Variants in LRIG1 observed in about 807,000 individuals in gnomAD.
The protein encoded by LRIG1 is leucine rich repeats and immunoglobulin like domains 1, also known as leucine-rich repeats and immunoglobulin-like domains protein 1.
In LRIG1, 48 loss-of-function variants were observed where a neutral mutation model predicts 99.2. The observed-to-expected ratio is 0.48, with a 90% CI of 0.38 to 0.62. The LOEUF (loss-of-function observed/expected upper bound fraction) is 0.62, where lower values mean the gene tolerates loss of function less well. Ranked by LOEUF, LRIG1 falls within the 20% of genes least tolerant of loss-of-function variation. The pLI is 0.00. For synonymous variants in LRIG1, 772 were observed against 596.1 expected (o/e 1.29, Z -4.30); for missense variants, 1,646 against 1,434.4 (o/e 1.15, Z -2.38).
intron 12 of LRIG1, among the ~76,000 whole-genome samples, chr3:66,392,115 T>C (rs1701643137): frequency 6.6e-6 from 1 of 152,246 alleles, no homozygotes; most frequent in East Asian, 1.9e-4. Context: ...AGTTCATTCA[T>C]GTTGCAGGAC....
At chr3:66,435,510 C>G (rs1401092468) in intron 3 of LRIG1, among the ~76,000 whole-genome samples, 1 of 152,188 alleles carries the variant, frequency 6.6e-6, no homozygotes, top group Non-Finnish European at 1.5e-5. Context: ...ACCTGGAAGA[C>G]TGAGGTTGCA....
intron 3 of LRIG1, among the ~76,000 whole-genome samples, chr3:66,444,193 G>C (rs541163737): frequency 6.6e-6 from 1 of 152,242 alleles, no homozygotes; most frequent in African/African-American, 2.4e-5. Flanking sequence ...CTCCTGCCAC[G>C]TTGGGCTGCT....
At chr3:66,396,315 C>T (rs546213404) in intron 11 of LRIG1, among the ~76,000 whole-genome samples, 48 of 152,362 alleles carry the variant, frequency 3.2e-4, no homozygotes, top group African/African-American at 1.1e-3. Flanking sequence ...TTCTTCCACC[C>T]GTGGAGAGCA....
chr3:66,400,152 T>TA (rs1341599694), intron 9 of LRIG1, among the ~76,000 whole-genome samples: 2 of 152,222 alleles, frequency 1.3e-5, no homozygotes, highest in South Asian at 2.1e-4. Flanking sequence ...CAGTAACTGT[T>TA]AAGAGTTCTC....
At chr3:66,385,881 T>A in intron 13 of LRIG1, 100 bp downstream of exon 13, 1 of 1,083,180 alleles carries the variant, frequency 9.2e-7, no homozygotes, top group Non-Finnish European at 1.4e-6. Flanking sequence ...GAAGCATGTG[T>A]GTGTCCTGTC....
intron 1 of LRIG1, among the ~76,000 whole-genome samples, chr3:66,466,479 C>T (rs1182167831): frequency 6.6e-6 from 1 of 152,174 alleles, no homozygotes. Context: ...TCAACATTGC[C>T]ATTTTTTTTC....
chr3:66,467,437 A>G (rs1218651685), intron 1 of LRIG1, among the ~76,000 whole-genome samples: 3 of 143,250 alleles, frequency 2.1e-5, no homozygotes, highest in African/African-American at 5.3e-5. Context: ...TCCGCTCACT[A>G]CAAGCTCCGT....
In LRIG1 at chr3:66,472,944, G is replaced by A. The variant is rs778322147; in HGVS notation, c.219-10435C>T. ...CACTCTCTAACATAATCCAATCAATGAAAATATTAGTACAAAAACCTCATG... is the reference window on the plus strand; with the variant it reads ...CACTCTCTAACATAATCCAATCAATAAAAATATTAGTACAAAAACCTCATG... On this transcript the variant is annotated intron_variant, in intron 1 of 18. Transcript: ENST00000273261. 2.6e-4 allele frequency among the ~76,000 whole-genome samples: 39 copies of A among 151,936 alleles called. 1 individual carries two copies. The highest frequency in any genetic ancestry group is 1.1e-3 in the Admixed American group (17 of 15,274).
At chr3:66,438,981 G>C (rs1703454219) in intron 3 of LRIG1, among the ~76,000 whole-genome samples, 1 of 152,264 alleles carries the variant, frequency 6.6e-6, no homozygotes, top group South Asian at 2.1e-4. Flanking sequence ...CCAGGGAATG[G>C]GGGAAAGTGA....
chr3:66,442,668 A>T (rs1703582281), intron 3 of LRIG1, among the ~76,000 whole-genome samples: 1 of 151,920 alleles, frequency 6.6e-6, no homozygotes, highest in Non-Finnish European at 1.5e-5. Context: ...AACATTGGGG[A>T]GCAACCCGGG....
intron 3 of LRIG1, among the ~76,000 whole-genome samples, chr3:66,425,775 G>C (rs1702962860): frequency 6.6e-6 from 1 of 152,210 alleles, no homozygotes. Context: ...CCCTTGGGCT[G>C]CCCTCTGGAG....
intron 9 of LRIG1, among the ~76,000 whole-genome samples, chr3:66,402,748 G>A (rs1385144448): frequency 1.3e-5 from 2 of 152,140 alleles, no homozygotes; most frequent in African/African-American, 4.8e-5. Context: ...TCTTCTCTGT[G>A]CTAACACGCA....
At position 66,410,289 on chromosome 3, in the gene LRIG1, G is replaced by C; in HGVS notation, c.792-17C>G. On this transcript the variant is annotated splice_polypyrimidine_tract_variant and intron_variant, in intron 6 of 18. Coordinates refer to ENST00000273261, the MANE Select transcript of LRIG1 (RefSeq NM_015541.3). ...TCCAGGTGCCTGCAATGACAGCCAT[G>C]CACAGGATGAAGAGGAGCTTTCACT... 1 of 1,591,236 alleles carries C rather than the reference G, an allele frequency of 6.3e-7. No individual in the cohort carries two copies. The highest frequency in any genetic ancestry group is 1.8e-5 in the Admixed American group (1 of 56,884).
At chr3:66,432,689 A>G (rs933870366) in intron 3 of LRIG1, among the ~76,000 whole-genome samples, 1 of 152,004 alleles carries the variant, frequency 6.6e-6, no homozygotes, top group African/African-American at 2.4e-5. Flanking sequence ...CATATCCCAC[A>G]CTCCTAGTCA....
intron 3 of LRIG1, among the ~76,000 whole-genome samples, chr3:66,443,722 C>T (rs762335568): frequency 2.0e-5 from 3 of 152,174 alleles, no homozygotes; most frequent in Admixed American, 1.3e-4. Flanking sequence ...CCATAGGACC[C>T]GATCTGTTTG....
chr3:66,472,431 A>G (rs1344011269), intron 1 of LRIG1, among the ~76,000 whole-genome samples: 1 of 151,962 alleles, frequency 6.6e-6, no homozygotes, highest in Non-Finnish European at 1.5e-5. Context: ...ACTTTGGCAC[A>G]GTCACCACCC....
intron 4 of LRIG1, among the ~76,000 whole-genome samples, chr3:66,415,990 G>A (rs1702604701): frequency 6.6e-6 from 1 of 152,170 alleles, no homozygotes; most frequent in Admixed American, 6.5e-5. Flanking sequence ...AGTGGCCTAG[G>A]ACAAGGCACA....
intron 2 of LRIG1, among the ~76,000 whole-genome samples, chr3:66,456,573 A>T (rs1276751831): frequency 4.9e-5 from 2 of 40,688 alleles, no homozygotes; most frequent in African/African-American, 7.0e-5. Flanking sequence ...ATCCTGTCTT[A>T]AAAAAAAAAA....
intron 3 of LRIG1, among the ~76,000 whole-genome samples, chr3:66,431,754 A>G (rs184129031): frequency 2.6e-4 from 40 of 152,248 alleles, no homozygotes; most frequent in Admixed American, 1.2e-3. Context: ...TCCCAAAGGG[A>G]GCAGAATGAA....
Sources: gnomAD v4.1 joint callset for allele counts (sites outside exome capture counted in the v4.1 genomes callset) on GRCh38, gnomAD v4.1.1 for gene constraint, MANE v1.5 for transcripts, NCBI Gene and HGNC (gene_info 2026-07-23, HGNC 2026-07-21) for gene names.